Variants in RBFOX1 observed in about 807,000 individuals in gnomAD.
RBFOX1 encodes the protein RNA binding protein fox-1 homolog 1.
Under a neutral mutation model 57.7 loss-of-function variants are expected in RBFOX1, and 8 were observed. The observed-to-expected ratio is 0.14, with a 90% CI of 0.08 to 0.25. RBFOX1 has a LOEUF of 0.25. RBFOX1 is among the 10% of genes least tolerant of loss of function. The pLI is 1.00. For synonymous variants in RBFOX1, 326 were observed against 222.4 expected (o/e 1.47, Z -4.15); for missense variants, 611 against 548.5 (o/e 1.11, Z -1.14).
chr16:6,940,871 G>GTA (rs1220233453), intron 3 of RBFOX1, among the ~76,000 whole-genome samples: 2 of 138,206 alleles, frequency 1.4e-5, no homozygotes, highest in African/African-American at 2.7e-5. Flanking sequence ...GTGTGTGTGT[G>GTA]TGTGTGTGTG....
At chr16:6,298,313 C>A (rs1166955323) in intron 1 of RBFOX1, among the ~76,000 whole-genome samples, 1 of 152,154 alleles carries the variant, frequency 6.6e-6, no homozygotes, top group East Asian at 1.9e-4. Context: ...TCCATAGACA[C>A]CCTGGCTTGT....
At chr16:5,386,108 T>C (rs2066247998) in intron 1 of RBFOX1, among the ~76,000 whole-genome samples, 1 of 103,382 alleles carries the variant, frequency 9.7e-6, no homozygotes, top group South Asian at 2.9e-4. Flanking sequence ...TTTGCAACTT[T>C]TTTTTTTTTT....
chr16:6,954,385 G>A (rs1323300133), intron 3 of RBFOX1, among the ~76,000 whole-genome samples: 1 of 152,106 alleles, frequency 6.6e-6, no homozygotes, highest in African/African-American at 2.4e-5. Flanking sequence ...GTTCCGGCAT[G>A]CATAGATGTG....
rs545845522 is a variant in RBFOX1 at position 6,949,558 on chromosome 16, C to T, written c.-15-102499C>T. 5.7e-4 allele frequency among the ~76,000 whole-genome samples: 79 copies of T among 139,226 alleles called. 1 individual carries two copies. The highest frequency in any genetic ancestry group is 7.2e-3 in the Middle Eastern group (2 of 278). The allele number at this position is 139,226 out of a possible 152,430, so 91.3% of individuals were successfully genotyped here. A position where few individuals can be genotyped will look rare whatever the true frequency, so the allele number is the denominator to read the frequency against. On this transcript the variant is annotated intron_variant, in intron 3 of 15. Transcript: ENST00000550418. ...TCCCTGGTTTACTGATGACGATCTT[C>T]GGGGTGTGTCCTCACTTGGCCTTTT...
At chr16:7,566,301 T>A (rs1256572763) in intron 5 of RBFOX1, among the ~76,000 whole-genome samples, 2 of 152,124 alleles carry the variant, frequency 1.3e-5, no homozygotes, top group African/African-American at 4.8e-5. Context: ...AGGGCCTCAT[T>A]CACCCACCTC....
intron 2 of RBFOX1, among the ~76,000 whole-genome samples, chr16:6,317,541 T>C (rs886517484): frequency 1.3e-4 from 14 of 108,044 alleles, no homozygotes; most frequent in African/African-American, 3.7e-4. Flanking sequence ...TGAAAATTAC[T>C]GCAAAAAAAA....
At chr16:6,995,009 G>A (rs148615943) in intron 3 of RBFOX1, among the ~76,000 whole-genome samples, 1 of 150,914 alleles carries the variant, frequency 6.6e-6, no homozygotes, top group African/African-American at 2.4e-5. Flanking sequence ...TTGCATACGT[G>A]TGTATATGGA....
At chr16:6,340,853 T>G (rs892286373) in intron 2 of RBFOX1, among the ~76,000 whole-genome samples, 1 of 152,192 alleles carries the variant, frequency 6.6e-6, no homozygotes, top group African/African-American at 2.4e-5. Context: ...CTTGTTCACA[T>G]GCCTTTGACA....
chr16:5,586,821 A>G (rs1048314659), intron 2 of RBFOX1, among the ~76,000 whole-genome samples: 7 of 152,184 alleles, frequency 4.6e-5, no homozygotes, highest in Admixed American at 2.0e-4. Context: ...TTTTACAGAT[A>G]AGGAGAGTGA....
intron 3 of RBFOX1, among the ~76,000 whole-genome samples, chr16:6,681,121 G>A (rs1033195250): frequency 3.3e-5 from 5 of 152,068 alleles, no homozygotes; most frequent in African/African-American, 9.7e-5. Context: ...GACCATCCTG[G>A]GAAACATGGT....
At chr16:6,112,551 C>CAT (rs2096457873) in intron 1 of RBFOX1, among the ~76,000 whole-genome samples, 1 of 152,094 alleles carries the variant, frequency 6.6e-6, no homozygotes, top group African/African-American at 2.4e-5. Context: ...GTTAGCTGTG[C>CAT]ATGGTGGTGC....
At chr16:6,312,370 A>G (rs1180127016) in intron 1 of RBFOX1, among the ~76,000 whole-genome samples, 1 of 151,750 alleles carries the variant, frequency 6.6e-6, no homozygotes, top group African/African-American at 2.4e-5. Flanking sequence ...TCTCTCTCTC[A>G]TTGCTACTTC....
chr16:6,664,847 G>A (rs921673427), intron 3 of RBFOX1, among the ~76,000 whole-genome samples: 1 of 152,192 alleles, frequency 6.6e-6, no homozygotes, highest in Non-Finnish European at 1.5e-5. Context: ...ATCTGGAGTT[G>A]AATCCCGGTT....
Position 7,207,165 on chromosome 16 carries a change from A to G in RBFOX1, c.27+155067A>G, listed in dbSNP as rs566043822. 3.9e-5 allele frequency among the ~76,000 whole-genome samples: 6 copies of G among 152,152 alleles called. No homozygotes were observed. The East Asian group carries it at 7.7e-4, about 20-fold the overall frequency. On this transcript the variant is annotated intron_variant, in intron 4 of 15. Transcript: ENST00000550418. ...CTGATCAGCAAGAGGTGTACGCTGT[A>G]TTTTCTTTTATAGCATCTTCATTAC... is the stretch of plus-strand genomic sequence containing the variant.
chr16:6,688,597 A>T (rs893293290), intron 3 of RBFOX1, among the ~76,000 whole-genome samples: 13 of 152,196 alleles, frequency 8.5e-5, no homozygotes, highest in Admixed American at 2.0e-4. Flanking sequence ...TGAAGCCTGT[A>T]TCACTGTCCA....
chr16:6,158,550 CG>C (rs1487701147), intron 1 of RBFOX1, among the ~76,000 whole-genome samples: 6 of 152,040 alleles, frequency 3.9e-5, no homozygotes, highest in Non-Finnish European at 8.8e-5. Context: ...TCATTTTAGC[CG>C]TAATGTTCTA....
chr16:6,231,852 T>C (rs1456579324), intron 1 of RBFOX1, among the ~76,000 whole-genome samples: 1 of 92,760 alleles, frequency 1.1e-5, no homozygotes, highest in African/African-American at 3.8e-5. Context: ...TTTTTTTTTT[T>C]GTCCTGGTAT....
chr16:7,097,600 A>C (rs1368805223), intron 4 of RBFOX1, among the ~76,000 whole-genome samples: 1 of 152,206 alleles, frequency 6.6e-6, no homozygotes, highest in African/African-American at 2.4e-5. Context: ...CCATCCAATT[A>C]GATGCTGTTG....
chr16:5,510,458 T>C (rs1192955608), intron 2 of RBFOX1, among the ~76,000 whole-genome samples: 1 of 151,854 alleles, frequency 6.6e-6, no homozygotes, highest in East Asian at 1.9e-4. Context: ...ACATGGCCTC[T>C]CAAAGCCAAG....
Sources: allele counts gnomAD v4.1 joint callset (sites outside exome capture counted in the v4.1 genomes callset), GRCh38; gene constraint gnomAD v4.1.1; transcripts MANE v1.5; gene names NCBI Gene and HGNC (gene_info 2026-07-23, HGNC 2026-07-21).